The following GRID2 variants were observed in gnomAD, a reference collection of about 807,000 sequenced individuals.
GRID2 encodes the protein glutamate ionotropic receptor delta type subunit 2, also known as glutamate receptor ionotropic, delta-2.
GRID2 carries 33 observed loss-of-function variants against 114.8 expected under a neutral mutation model. The ratio of observed to expected loss-of-function variants is 0.29; its 90% CI spans 0.22 to 0.38. The LOEUF (loss-of-function observed/expected upper bound fraction) is 0.38, where lower values mean the gene tolerates loss of function less well. Among genes scored for constraint, GRID2 ranks in the 10% least tolerant of loss-of-function variants. GRID2 has a pLI of 1.00. For synonymous variants in GRID2, 505 were observed against 449.9 expected (o/e 1.12, Z -1.55); for missense variants, 1,184 against 1,257.7 (o/e 0.94, Z 0.89).
chr4:92,780,754 C>T (rs1207010084), intron 2 of GRID2, among the ~76,000 whole-genome samples: 1 of 152,068 alleles, frequency 6.6e-6, no homozygotes, highest in Non-Finnish European at 1.5e-5. Flanking sequence ...GTGTATTTCT[C>T]TTCCTGCAGT....
chr4:93,439,039 T>C (rs1292640034), intron 10 of GRID2, among the ~76,000 whole-genome samples: 1 of 152,132 alleles, frequency 6.6e-6, no homozygotes, highest in East Asian at 1.9e-4. Context: ...TGCATAGTAT[T>C]CCATGGTGTA....
At chr4:93,794,543 T>C (rs991174485) in intron 1 of GRID2, among the ~76,000 whole-genome samples, 2 of 151,916 alleles carry the variant, frequency 1.3e-5, no homozygotes, top group Non-Finnish European at 2.9e-5. Context: ...CTGTTTGGAG[T>C]TTATTTATGC....
At chr4:92,861,583 T>C (rs961271374) in intron 2 of GRID2, among the ~76,000 whole-genome samples, 1 of 152,102 alleles carries the variant, frequency 6.6e-6, no homozygotes, top group East Asian at 1.9e-4. Flanking sequence ...ATTGCTTTTT[T>C]AAATTTTGTC....
chr4:93,598,384 C>T (rs556398760), intron 13 of GRID2, among the ~76,000 whole-genome samples: 2 of 152,212 alleles, frequency 1.3e-5, no homozygotes, highest in African/African-American at 4.8e-5. Context: ...CATTCCTTCT[C>T]ATGCTTCCTT....
intron 1 of GRID2, among the ~76,000 whole-genome samples, chr4:93,793,658 T>C (rs1218265998): frequency 6.6e-6 from 1 of 152,180 alleles, no homozygotes; most frequent in African/African-American, 2.4e-5. Context: ...AAACAAATGA[T>C]TTGAGAAAAC....
In GRID2 at chr4:92,555,109, T is replaced by G. The variant is rs116388437; in HGVS notation, c.89-35022T>G. Among the ~76,000 whole-genome samples the G allele has an allele frequency of 5.3e-3, 804 of 152,254 alleles. 5 individuals carry two copies. Among genetic ancestry groups the G allele is most frequent in the African/African-American group, 0.018 (761 of 41,558 alleles). ...AGTTGCATGAGTTTGCAGGCAGAAG[T>G]ACCATAAAATATTAAATAAAAGAGG... On this transcript the variant is annotated intron_variant, in intron 1 of 15. Coordinates refer to ENST00000282020, the MANE Select transcript of GRID2 (RefSeq NM_001510.4).
chr4:93,364,118 A>G (rs191024753), intron 8 of GRID2, among the ~76,000 whole-genome samples: 88 of 152,216 alleles, frequency 5.8e-4, no homozygotes, highest in African/African-American at 1.9e-3. Flanking sequence ...CTTTCTAAAA[A>G]TCTGAAGACA....
At chr4:92,594,833 C>T (rs1728873897) in intron 2 of GRID2, among the ~76,000 whole-genome samples, 1 of 151,968 alleles carries the variant, frequency 6.6e-6, no homozygotes. Flanking sequence ...GTGAAAAACA[C>T]TGCTGTCGTT....
chr4:93,338,904 G>A (rs1441412032), intron 8 of GRID2, among the ~76,000 whole-genome samples: 1 of 152,080 alleles, frequency 6.6e-6, no homozygotes, highest in African/African-American at 2.4e-5. Context: ...ACTGATCTGT[G>A]TAACCAATAG....
chr4:93,673,705 CT>C (rs1724617697), intron 14 of GRID2, among the ~76,000 whole-genome samples: 1 of 152,174 alleles, frequency 6.6e-6, no homozygotes, highest in Non-Finnish European at 1.5e-5. Flanking sequence ...AAGCCATTGA[CT>C]TTCGATTGAA....
At chr4:92,349,304 A>C (rs1727942181) in intron 1 of GRID2, among the ~76,000 whole-genome samples, 1 of 152,002 alleles carries the variant, frequency 6.6e-6, no homozygotes, top group African/African-American at 2.4e-5. Flanking sequence ...GTCTAACTCT[A>C]TACTATCACA....
At chr4:92,671,122 C>A (rs1733045236) in intron 2 of GRID2, among the ~76,000 whole-genome samples, 1 of 151,936 alleles carries the variant, frequency 6.6e-6, no homozygotes, top group Non-Finnish European at 1.5e-5. Flanking sequence ...GGAAGCATGG[C>A]TTGGAGGCCT....
chr4:93,476,889 AAAAG>A (rs1251778170), intron 11 of GRID2, among the ~76,000 whole-genome samples: 4 of 152,250 alleles, frequency 2.6e-5, no homozygotes, highest in African/African-American at 9.6e-5. Flanking sequence ...TGAGAACAGA[AAAAG>A]AAATAAACAA....
chr4:92,538,159 C>T (rs1033550764), intron 1 of GRID2, among the ~76,000 whole-genome samples: 5 of 152,090 alleles, frequency 3.3e-5, no homozygotes, highest in Non-Finnish European at 7.4e-5. Flanking sequence ...TAAGGGCTAA[C>T]ATTTTGCATG....
At chr4:93,724,837 C>A (rs962034977) in intron 14 of GRID2, among the ~76,000 whole-genome samples, 4 of 151,918 alleles carry the variant, frequency 2.6e-5, no homozygotes, top group African/African-American at 9.7e-5. Flanking sequence ...TGGAGTGCAG[C>A]GGCATGATCT....
chr4:93,314,632 G>C (rs1304279855), intron 8 of GRID2, among the ~76,000 whole-genome samples: 1 of 151,936 alleles, frequency 6.6e-6, no homozygotes, highest in Non-Finnish European at 1.5e-5. Context: ...TTATTGAATA[G>C]TACAACTACC....
rs190076049 is a variant in GRID2, at chr4:93,703,937, A to G, written c.2361-65273A>G. On this transcript the variant is annotated intron_variant, in intron 14 of 15. Transcript: ENST00000282020. ...TGGTTCCAAGTCTTTCCTATTGTGAATAGTGCCGTGATAAACATACGTGTG... is the reference window on the plus strand; with the variant it reads ...TGGTTCCAAGTCTTTCCTATTGTGAGTAGTGCCGTGATAAACATACGTGTG... Among the ~76,000 whole-genome samples, 718 of 152,172 alleles carry G rather than the reference A, an allele frequency of 4.7e-3. 2 individuals are homozygous for G. The highest frequency in any genetic ancestry group is 0.016 in the African/African-American group (678 of 41,510).
chr4:93,303,861 T>C (rs1755132551), intron 8 of GRID2, among the ~76,000 whole-genome samples: 2 of 152,136 alleles, frequency 1.3e-5, no homozygotes, highest in Admixed American at 6.6e-5. Context: ...ACTCAAGCTA[T>C]GACAATTGAA....
chr4:92,313,140 A>G, intron 1 of GRID2, among the ~76,000 whole-genome samples: 1 of 151,270 alleles, frequency 6.6e-6, no homozygotes, highest in East Asian at 1.9e-4. Flanking sequence ...ATGGAATACT[A>G]CTCAGCCATA....
Sources: gnomAD v4.1 joint callset for allele counts (sites outside exome capture counted in the v4.1 genomes callset) on GRCh38, gnomAD v4.1.1 for gene constraint, MANE v1.5 for transcripts, NCBI Gene and HGNC (gene_info 2026-07-23, HGNC 2026-07-21) for gene names.